The following THSD7B variants were observed in gnomAD, a reference collection of about 807,000 sequenced individuals.
THSD7B encodes thrombospondin type 1 domain containing 7B.
Under a neutral mutation model 213.6 loss-of-function variants are expected in THSD7B, and 138 were observed. The observed-to-expected ratio is 0.65, with a 90% confidence interval of 0.56 to 0.74. The LOEUF (loss-of-function observed/expected upper bound fraction) is 0.74. Among genes scored for constraint, THSD7B ranks in the 30% least tolerant of loss-of-function variants. The probability of loss-of-function intolerance (pLI) is 0.00; values close to 1 mark genes in which losing one functional copy is unlikely to be tolerated. For synonymous variants in THSD7B, 742 were observed against 687.0 expected, an observed-to-expected ratio of 1.08 and a Z score of -1.25; for missense variants, 1,931 against 1,991.5, an observed-to-expected ratio of 0.97 and a Z score of 0.58.
intron 12 of THSD7B, among the ~76,000 whole-genome samples, chr2:137,286,201 T>G (rs996838517): frequency 1.3e-5 from 2 of 152,120 alleles, no homozygotes; most frequent in Non-Finnish European, 2.9e-5. Flanking sequence ...CTGAGTTGGA[T>G]TCAGAGAAAA....
At chr2:137,115,391 A>G (rs745907) in intron 5 of THSD7B, 98 bp downstream of exon 5, 246,409 of 1,263,954 alleles carry the variant, frequency 0.19, 24,807 homozygotes, top group African/African-American at 0.29. Flanking sequence ...GACACTTAGC[A>G]TTCACACATT....
intron 12 of THSD7B, among the ~76,000 whole-genome samples, chr2:137,279,395 G>C (rs1483039274): frequency 6.6e-6 from 1 of 151,858 alleles, no homozygotes; most frequent in Non-Finnish European, 1.5e-5. Context: ...TTTAAAAAAA[G>C]AGCCAGACAT....
At chr2:136,955,646 G>A (rs1223157466) in intron 2 of THSD7B, among the ~76,000 whole-genome samples, 2 of 152,120 alleles carry the variant, frequency 1.3e-5, no homozygotes, top group Non-Finnish European at 1.5e-5. Context: ...AATTGGTATA[G>A]CAATTTCTTA....
At chr2:137,101,581 AAG>A in intron 4 of THSD7B, among the ~76,000 whole-genome samples, 1 of 152,154 alleles carries the variant, frequency 6.6e-6, no homozygotes, top group Non-Finnish European at 1.5e-5. Flanking sequence ...GCGGGGAGCC[AAG>A]TGGTCTAGCT....
chr2:137,120,814 T>A (rs1688532810), intron 5 of THSD7B, among the ~76,000 whole-genome samples: 1 of 152,220 alleles, frequency 6.6e-6, no homozygotes, highest in Non-Finnish European at 1.5e-5. Context: ...AATTGTTATC[T>A]GTAAATGGAA....
chr2:137,265,572 C>A lies in THSD7B; in HGVS notation c.2267-6961C>A, dbSNP rs534455618. 4.6e-5 allele frequency among the ~76,000 whole-genome samples: 7 copies of A among 152,322 alleles called. No homozygotes were observed. The South Asian group carries it at 1.2e-3, about 27-fold the overall frequency. Reference sequence around the variant, plus strand: ...AAGACTTGGAACCAACCCAAAACAGCCTTCTTTGAATGTTTGAATGATGCA... The same window carrying A: ...AAGACTTGGAACCAACCCAAAACAGACTTCTTTGAATGTTTGAATGATGCA... On this transcript the variant is annotated intron_variant, in intron 10 of 27. Coordinates refer to ENST00000409968, the MANE Select transcript of THSD7B (RefSeq NM_001316349.2).
intron 9 of THSD7B, among the ~76,000 whole-genome samples, chr2:137,237,975 C>T (rs1485654948): frequency 6.6e-6 from 1 of 152,106 alleles, no homozygotes; most frequent in Non-Finnish European, 1.5e-5. Context: ...CTAAGCTTGA[C>T]CTTTGCCCTT....
chr2:137,048,928 G>C (rs893373007), intron 2 of THSD7B, among the ~76,000 whole-genome samples: 1 of 152,226 alleles, frequency 6.6e-6, no homozygotes, highest in Non-Finnish European at 1.5e-5. Flanking sequence ...TCCTTCAGGA[G>C]AACGTTGTGT....
chr2:137,599,608 C>T (rs887445055), intron 17 of THSD7B, among the ~76,000 whole-genome samples: 45 of 151,848 alleles, frequency 3.0e-4, no homozygotes, highest in African/African-American at 8.9e-4. Context: ...ACTAGAAATA[C>T]CATTTGACCC....
chr2:137,183,898 A>C (rs1164971442), intron 7 of THSD7B, among the ~76,000 whole-genome samples: 2 of 152,202 alleles, frequency 1.3e-5, no homozygotes, highest in Middle Eastern at 3.2e-3. Flanking sequence ...TGTTTATGTC[A>C]TACAATAAGG....
chr2:137,640,443 C>T (rs1682918678), intron 20 of THSD7B, among the ~76,000 whole-genome samples: 1 of 152,146 alleles, frequency 6.6e-6, no homozygotes, highest in Non-Finnish European at 1.5e-5. Flanking sequence ...TCTAAAATTC[C>T]TTGTATATCT....
chr2:137,433,163 G>C (rs1198936553), intron 14 of THSD7B, among the ~76,000 whole-genome samples: 1 of 152,104 alleles, frequency 6.6e-6, no homozygotes, highest in Non-Finnish European at 1.5e-5. Flanking sequence ...GCAGGGCGCT[G>C]TAAGATAATA....
intron 15 of THSD7B, among the ~76,000 whole-genome samples, chr2:137,458,555 T>A (rs1049366902): frequency 7.9e-5 from 12 of 152,186 alleles, no homozygotes; most frequent in Non-Finnish European, 5.9e-5. Context: ...ACGCAATAGT[T>A]TTGGCACCCA....
intron 10 of THSD7B, among the ~76,000 whole-genome samples, chr2:137,268,702 A>G (rs1445445513): frequency 6.6e-6 from 1 of 152,096 alleles, no homozygotes; most frequent in Non-Finnish European, 1.5e-5. Flanking sequence ...CCTGTATCTT[A>G]TGCTGACCTC....
At chr2:137,671,359 G>A (rs1167893270) in intron 27 of THSD7B, among the ~76,000 whole-genome samples, 1 of 151,744 alleles carries the variant, frequency 6.6e-6, no homozygotes, top group Non-Finnish European at 1.5e-5. Flanking sequence ...AATTTTAGGA[G>A]GAATAATTTC....
intron 7 of THSD7B, among the ~76,000 whole-genome samples, chr2:137,228,484 C>T (rs1264463688): frequency 6.6e-6 from 1 of 152,134 alleles, no homozygotes; most frequent in Non-Finnish European, 1.5e-5. Context: ...GGCAGAGATA[C>T]AATAAAACTT....
At chr2:137,010,757 A>G (rs1686216012) in intron 2 of THSD7B, among the ~76,000 whole-genome samples, 1 of 152,220 alleles carries the variant, frequency 6.6e-6, no homozygotes, top group Non-Finnish European at 1.5e-5. Context: ...ACCCGGGAAT[A>G]CAGTGGGTAA....
chr2:136,777,115 AG>A (rs1558801441), intron 1 of THSD7B, among the ~76,000 whole-genome samples: 1 of 152,176 alleles, frequency 6.6e-6, no homozygotes, highest in African/African-American at 2.4e-5. Flanking sequence ...CCAGTTGCAA[AG>A]GTGAGAGAGA....
At chr2:137,561,953 A>G (rs1681128213) in intron 15 of THSD7B, among the ~76,000 whole-genome samples, 1 of 152,120 alleles carries the variant, frequency 6.6e-6, no homozygotes, top group Admixed American at 6.6e-5. Context: ...TCTAAGTGAG[A>G]CAGCCAAGTA....
Sources: allele counts gnomAD v4.1 joint callset (sites outside exome capture counted in the v4.1 genomes callset), GRCh38; gene constraint gnomAD v4.1.1; transcripts MANE v1.5; gene names NCBI Gene and HGNC (gene_info 2026-07-23, HGNC 2026-07-21).